Variants in ANKRD44 observed in about 807,000 individuals in gnomAD.
The protein encoded by ANKRD44 is ankyrin repeat domain 44.
A neutral mutation model predicts 116.0 loss-of-function variants in ANKRD44; 35 were observed. The ratio of observed to expected loss-of-function variants is 0.30; its 90% confidence interval spans 0.23 to 0.40. The LOEUF (loss-of-function observed/expected upper bound fraction) is 0.40, where lower values mean the gene tolerates loss of function less well. ANKRD44 is among the 10% of genes least tolerant of loss of function. ANKRD44 has a pLI of 1.00. For synonymous variants in ANKRD44, 435 were observed against 461.8 expected (o/e 0.94, Z 0.74); for missense variants, 1,014 against 1,242.6 (o/e 0.82, Z 2.77).
intron 1 of ANKRD44, among the ~76,000 whole-genome samples, chr2:197,282,776 T>G (rs1230772150): frequency 6.6e-6 from 1 of 152,136 alleles, no homozygotes; most frequent in African/African-American, 2.4e-5. Flanking sequence ...CTGGCCAACA[T>G]GGCGAAACCC....
At chr2:197,153,378 C>T (rs927749841) in intron 2 of ANKRD44, among the ~76,000 whole-genome samples, 2 of 151,990 alleles carry the variant, frequency 1.3e-5, no homozygotes, top group African/African-American at 2.4e-5. Context: ...ACAACCTAGG[C>T]CCAACTACCT....
At chr2:197,012,542 C>T (rs758692458) in intron 18 of ANKRD44, among the ~76,000 whole-genome samples, 2 of 150,332 alleles carry the variant, frequency 1.3e-5, no homozygotes, top group African/African-American at 2.4e-5. Flanking sequence ...TTATGGCTAA[C>T]GTTTTTTTTT....
At chr2:196,996,501 G>A (rs1162535580) in intron 25 of ANKRD44, among the ~76,000 whole-genome samples, 1 of 152,140 alleles carries the variant, frequency 6.6e-6, no homozygotes, top group Non-Finnish European at 1.5e-5. Flanking sequence ...TGCCTTGTAT[G>A]GGAGACCCTT....
chr2:197,103,154 G>C (rs2078339154), intron 9 of ANKRD44, among the ~76,000 whole-genome samples: 2 of 151,758 alleles, frequency 1.3e-5, no homozygotes, highest in South Asian at 4.2e-4. Flanking sequence ...TGTGAACCCG[G>C]GAGGCAGAGC....
chr2:197,103,834 T>C (rs572851946), intron 9 of ANKRD44, among the ~76,000 whole-genome samples: 2 of 152,304 alleles, frequency 1.3e-5, no homozygotes, highest in African/African-American at 4.8e-5. Flanking sequence ...GTTGTATGTA[T>C]GTGTGCATGC....
intron 1 of ANKRD44, among the ~76,000 whole-genome samples, chr2:197,237,215 T>C (rs1217373640): frequency 1.3e-5 from 2 of 152,168 alleles, no homozygotes; most frequent in Non-Finnish European, 2.9e-5. Context: ...CAGTACTAGT[T>C]ACTATAATTA....
chr2:197,154,174 C>CATTT (rs2079739402), intron 2 of ANKRD44, among the ~76,000 whole-genome samples: 1 of 106,842 alleles, frequency 9.4e-6, no homozygotes, highest in African/African-American at 3.8e-5. Context: ...TATCGGCTTT[C>CATTT]TTTTTTTTTT....
chr2:197,071,316 T>C (rs1430070117), intron 16 of ANKRD44, among the ~76,000 whole-genome samples: 1 of 152,220 alleles, frequency 6.6e-6, no homozygotes, highest in Non-Finnish European at 1.5e-5. Flanking sequence ...TCCTCTTTTC[T>C]GATGTAACCA....
Position 197,072,098 on chromosome 2 carries a change from G to T in ANKRD44, c.1650+6605C>A, listed in dbSNP as rs138638869. Among the ~76,000 whole-genome samples, 23 of 148,534 alleles carry T rather than the reference G, an allele frequency of 1.5e-4. No individual in the cohort carries two copies. In the Middle Eastern group the frequency reaches 0.018, roughly 114 times the overall value. On this transcript the variant is annotated intron_variant, in intron 16 of 27. Transcript: ENST00000282272. ...AGGAAGGAAGGAAGGAAGGAAGGAA[G>T]GAAAAGGAAGAAAGGAGGAGGGAGG... is the stretch of plus-strand genomic sequence containing the variant.
chr2:197,292,500 C>T (rs1282757638), intron 1 of ANKRD44, among the ~76,000 whole-genome samples: 1 of 152,206 alleles, frequency 6.6e-6, no homozygotes, highest in African/African-American at 2.4e-5. Context: ...TTCCATTCAA[C>T]ACATTTTAAA....
rs1210188032 is a variant in ANKRD44, at chr2:197,246,177, T to G, written c.28-59071A>C. Among the ~76,000 whole-genome samples the G allele has an allele frequency of 2.0e-5, 3 of 151,942 alleles. No homozygotes were observed. In the East Asian group the frequency reaches 5.8e-4, roughly 29 times the overall value. On this transcript the variant is annotated intron_variant, in intron 1 of 27. Coordinates refer to ENST00000282272, the MANE Select transcript of ANKRD44 (RefSeq NM_001195144.2). Reference sequence around the variant, plus strand: ...CCTGCCTACCTAACTCCTAGATTTTTATTTTTATTTATTTTATTTATTTAT... The same window carrying G: ...CCTGCCTACCTAACTCCTAGATTTTGATTTTTATTTATTTTATTTATTTAT...
chr2:197,186,827 G>A (rs1380625999), intron 2 of ANKRD44, among the ~76,000 whole-genome samples, 196 bp downstream of exon 2: 4 of 151,430 alleles, frequency 2.6e-5, no homozygotes, highest in African/African-American at 9.7e-5. Context: ...TAATATTTGG[G>A]TAACTGTATC....
At chr2:197,071,588 T>C (rs1411844064) in intron 16 of ANKRD44, among the ~76,000 whole-genome samples, 3 of 152,224 alleles carry the variant, frequency 2.0e-5, no homozygotes, top group Non-Finnish European at 2.9e-5. Flanking sequence ...TTTATGTTTT[T>C]TGAATTTTGT....
At chr2:197,131,216 G>C (rs2079087010) in intron 4 of ANKRD44, among the ~76,000 whole-genome samples, 1 of 148,456 alleles carries the variant, frequency 6.7e-6, no homozygotes, top group Non-Finnish European at 1.5e-5. Flanking sequence ...TTTTGAGACG[G>C]AGTCTCGCTC....
rs530524462 is a variant in ANKRD44 at position 197,031,422 on chromosome 2, G to C, written c.1651-6155C>G. On this transcript the variant is annotated intron_variant, in intron 16 of 27. Coordinates refer to ENST00000282272, the MANE Select transcript of ANKRD44 (RefSeq NM_001195144.2). The stretch of plus-strand genomic sequence containing the variant: ...GCACAGGTACAATGATAGCACAGTA[G>C]AGCCCCAAACTTCTGGGCTAAAGCA... Among the ~76,000 whole-genome samples the C allele has an allele frequency of 2.1e-4, 32 of 152,306 alleles. No homozygotes were observed. The South Asian group carries it at 4.1e-3, about 20-fold the overall frequency.
intron 1 of ANKRD44, among the ~76,000 whole-genome samples, chr2:197,190,261 C>T (rs186815756): frequency 2.6e-5 from 4 of 152,272 alleles, no homozygotes; most frequent in Admixed American, 1.3e-4. Flanking sequence ...TTCTACTTCC[C>T]GTGGAATAAA....
At chr2:197,155,979 C>T (rs1005715370) in intron 2 of ANKRD44, among the ~76,000 whole-genome samples, 1 of 152,062 alleles carries the variant, frequency 6.6e-6, no homozygotes, top group African/African-American at 2.4e-5. Flanking sequence ...GCAAACAATC[C>T]AATTAAAAAG....
At chr2:197,090,084 G>A in intron 10 of ANKRD44, 52 bp from the exon 11 acceptor site, 1 of 1,372,628 alleles carries the variant, frequency 7.3e-7, no homozygotes, top group Non-Finnish European at 1.0e-6. Flanking sequence ...CAAGATACAT[G>A]CGGAAGGACA....
At chr2:197,006,977 C>G (rs868002532) in intron 20 of ANKRD44, among the ~76,000 whole-genome samples, 1 of 151,998 alleles carries the variant, frequency 6.6e-6, no homozygotes, top group Non-Finnish European at 1.5e-5. Flanking sequence ...TGCTGGCATG[C>G]ACCTGTGGTC....
Sources: gnomAD v4.1 joint callset for allele counts (sites outside exome capture counted in the v4.1 genomes callset) on GRCh38, gnomAD v4.1.1 for gene constraint, MANE v1.5 for transcripts, NCBI Gene and HGNC (gene_info 2026-07-23, HGNC 2026-07-21) for gene names.